PABPC4L: variants seen among roughly 807,000 people sequenced by gnomAD.
PABPC4L encodes the protein poly(A) binding protein cytoplasmic 4 like.
For missense variants in PABPC4L, 452 were observed against 451.4 expected (o/e 1.00, Z -0.01); for synonymous variants, 169 against 164.1 (o/e 1.03, Z -0.23).
At chr4:134,000,824 C>A in the PABPC4L span, among the ~76,000 whole-genome samples, 1 of 151,992 alleles carries the variant, frequency 6.6e-6, no homozygotes, top group Admixed American at 6.6e-5. Context: ...GTTCTCAGGC[C>A]ATCAGATCTG....
At chr4:134,014,276 A>T in the PABPC4L span, among the ~76,000 whole-genome samples, 1 of 152,194 alleles carries the variant, frequency 6.6e-6, no homozygotes, top group East Asian at 1.9e-4. Context: ...AAGGTGTACA[A>T]TAATAGAGTA....
the PABPC4L span, among the ~76,000 whole-genome samples, chr4:134,164,352 A>G: frequency 1.3e-5 from 2 of 151,550 alleles, no homozygotes; most frequent in Non-Finnish European, 2.9e-5. Flanking sequence ...CTGTTTGCCA[A>G]TGATGTGATT....
chr4:133,997,250 T>A, the PABPC4L span, among the ~76,000 whole-genome samples: 1 of 152,318 alleles, frequency 6.6e-6, no homozygotes, highest in African/African-American at 2.4e-5. Context: ...GAAATGATTA[T>A]GTTTTGTGAA....
the PABPC4L span, among the ~76,000 whole-genome samples, chr4:133,961,444 C>T: frequency 1.3e-3 from 196 of 152,258 alleles, 3 homozygotes; most frequent in African/African-American, 4.5e-3. Context: ...ACTTAGCTCA[C>T]ACCAGACCAA....
At chr4:134,113,257 G>A in the PABPC4L span, among the ~76,000 whole-genome samples, 5 of 151,782 alleles carry the variant, frequency 3.3e-5, no homozygotes, top group African/African-American at 1.2e-4. Flanking sequence ...GTCTATAATA[G>A]GGTACAATAA....
At chr4:134,133,245 A>T in the PABPC4L span, among the ~76,000 whole-genome samples, 2 of 137,498 alleles carry the variant, frequency 1.5e-5, no homozygotes, top group Non-Finnish European at 3.0e-5. Context: ...AATATTACAT[A>T]ATATTATATA....
chr4:133,960,775 T>C, the PABPC4L span, among the ~76,000 whole-genome samples: 1 of 151,628 alleles, frequency 6.6e-6, no homozygotes, highest in Non-Finnish European at 1.5e-5. Context: ...AGCTGGGTGA[T>C]GCCTGTGACT....
chr4:134,077,431 T>C, the PABPC4L span, among the ~76,000 whole-genome samples: 6 of 152,152 alleles, frequency 3.9e-5, no homozygotes, highest in Non-Finnish European at 8.8e-5. Flanking sequence ...GCATTAGTGT[T>C]GCAGAAGAGG....
chr4:134,077,021 C>G, the PABPC4L span, among the ~76,000 whole-genome samples: 3 of 152,076 alleles, frequency 2.0e-5, no homozygotes, highest in African/African-American at 7.2e-5. Flanking sequence ...TTATAGCTTA[C>G]TGCATACATG....
chr4:134,018,042 C>T, the PABPC4L span, among the ~76,000 whole-genome samples: 18 of 152,146 alleles, frequency 1.2e-4, no homozygotes, highest in South Asian at 4.1e-4. Flanking sequence ...TCCAGATGGC[C>T]GGTTCCTGAC....
the PABPC4L span, among the ~76,000 whole-genome samples, chr4:133,955,470 C>A: frequency 6.6e-6 from 1 of 151,884 alleles, no homozygotes; most frequent in African/African-American, 2.4e-5. Flanking sequence ...ATTTTTATTA[C>A]AATTATTAAC....
At chr4:133,993,466 A>G in the PABPC4L span, among the ~76,000 whole-genome samples, 4 of 152,200 alleles carry the variant, frequency 2.6e-5, no homozygotes, top group African/African-American at 7.2e-5. Context: ...TGGACTCTCC[A>G]GGAAGAGCAT....
the PABPC4L span, among the ~76,000 whole-genome samples, chr4:134,090,580 C>T: frequency 1.3e-5 from 2 of 151,922 alleles, no homozygotes; most frequent in African/African-American, 4.8e-5. Flanking sequence ...GCCGAGGCAA[C>T]ATAGCGAGAC....
At chr4:133,958,062 CA>C in the PABPC4L span, among the ~76,000 whole-genome samples, 2 of 152,220 alleles carry the variant, frequency 1.3e-5, no homozygotes, top group Non-Finnish European at 1.5e-5. Context: ...ATTACTTATG[CA>C]AATTTATGCA....
At chr4:134,043,904 A>ATGTGTGTG in the PABPC4L span, among the ~76,000 whole-genome samples, 6 of 147,544 alleles carry the variant, frequency 4.1e-5, no homozygotes, top group African/African-American at 1.5e-4. Context: ...CTGTATATAT[A>ATGTGTGTG]TGTGTGTGTG....
chr4:134,072,725 T>G, the PABPC4L span, among the ~76,000 whole-genome samples: 2 of 152,118 alleles, frequency 1.3e-5, no homozygotes, highest in Non-Finnish European at 2.9e-5. Flanking sequence ...CTTAATTAAC[T>G]CATAGTTCCA....
chr4:133,950,599 C>A, the PABPC4L span, among the ~76,000 whole-genome samples: 2 of 152,294 alleles, frequency 1.3e-5, no homozygotes, highest in Admixed American at 1.3e-4. Context: ...CATCAGGGAG[C>A]ACCCATCTTC....
chr4:133,971,479 T>C, the PABPC4L span, among the ~76,000 whole-genome samples: 1 of 152,182 alleles, frequency 6.6e-6, no homozygotes, highest in Admixed American at 6.5e-5. Context: ...ACACCTGGAC[T>C]GCCACATTGG....
chr4:134,140,703 T>C, the PABPC4L span, among the ~76,000 whole-genome samples: 1 of 151,892 alleles, frequency 6.6e-6, no homozygotes, highest in African/African-American at 2.4e-5. Flanking sequence ...TTATACATAA[T>C]TTATAGGAGA....
Sources: gnomAD v4.1 joint callset for allele counts (sites outside exome capture counted in the v4.1 genomes callset) on GRCh38, gnomAD v4.1.1 for gene constraint, MANE v1.5 for transcripts, NCBI Gene and HGNC (gene_info 2026-07-23, HGNC 2026-07-21) for gene names.